TMEM38A: variants seen among roughly 807,000 people sequenced by gnomAD.
TMEM38A encodes the protein transmembrane protein 38A.
Under a neutral mutation model 28.6 loss-of-function variants are expected in TMEM38A, and 17 were observed. The ratio of observed to expected loss-of-function variants is 0.60; its 90% CI spans 0.41 to 0.89. The LOEUF is 0.89. Among genes scored for constraint, TMEM38A ranks in the 40% least tolerant of loss-of-function variants. TMEM38A has a pLI of 0.00. For missense variants in TMEM38A, 328 were observed against 393.1 expected (o/e 0.83, Z 1.40); for synonymous variants, 169 against 166.1 (o/e 1.02, Z -0.14).
chr19:16,677,049 C>G (rs1448759538), intron 1 of TMEM38A, among the ~76,000 whole-genome samples: 1 of 149,282 alleles, frequency 6.7e-6, no homozygotes, highest in East Asian at 2.0e-4. Context: ...GCATGAGCCA[C>G]CGTGCCCAGC....
At chr19:16,675,873 A>T (rs1395373655) in intron 1 of TMEM38A, among the ~76,000 whole-genome samples, 1 of 151,948 alleles carries the variant, frequency 6.6e-6, no homozygotes, top group Non-Finnish European at 1.5e-5. Context: ...TGAGGGGTCT[A>T]CCCTGGTGAC....
intron 4 of TMEM38A, among the ~76,000 whole-genome samples, chr19:16,683,135 G>A (rs1469175425): frequency 2.6e-5 from 4 of 151,806 alleles, no homozygotes; most frequent in Admixed American, 6.6e-5. Context: ...CACCATGCCC[G>A]GCTAATTTTT....
intron 1 of TMEM38A, among the ~76,000 whole-genome samples, chr19:16,670,189 C>T (rs1413494718): frequency 1.3e-5 from 2 of 151,158 alleles, no homozygotes; most frequent in South Asian, 2.1e-4. Context: ...AGGCTGATCT[C>T]GAATTCCTGA....
chr19:16,661,268 G>C lies in TMEM38A; in HGVS notation c.51G>C (p.Ser17=). The C allele has an allele frequency of 6.3e-7, 1 of 1,597,516 alleles. No homozygotes were observed. Among genetic ancestry groups the C allele is most frequent in the South Asian group, 1.1e-5 (1 of 89,074 alleles). ...TGGGCGAACTGGCGCTCAGCTTCTC[G>C]CGGGTGCCGCTCTTCCCCGTCTTCG... ...LSLGELALSF[S]RVPLFPVFDL... The change falls in exon 1 of 6, where the codon TCG becomes TCC. Residue 17 remains serine (S), a synonymous_variant. Coordinates refer to ENST00000187762, the MANE Select transcript of TMEM38A (RefSeq NM_024074.4). This position sits in a 1 kb window ranked among gnomAD's most constrained non-coding sequence, Gnocchi z 6.5.
At chr19:16,676,845 C>T (rs779843742) in intron 1 of TMEM38A, among the ~76,000 whole-genome samples, 2 of 147,538 alleles carry the variant, frequency 1.4e-5, no homozygotes, top group Non-Finnish European at 3.0e-5. Flanking sequence ...ACTGCAACCT[C>T]TGCCTCCTAG....
At chr19:16,679,342 G>T (rs1266767180) in intron 1 of TMEM38A, among the ~76,000 whole-genome samples, 1 of 150,644 alleles carries the variant, frequency 6.6e-6, no homozygotes, top group Non-Finnish European at 1.5e-5. Context: ...GCCCAGGCTG[G>T]AGTGCAGTGC....
At chr19:16,675,478 C>T (rs1210514199) in intron 1 of TMEM38A, among the ~76,000 whole-genome samples, 2 of 151,530 alleles carry the variant, frequency 1.3e-5, no homozygotes, top group Non-Finnish European at 2.9e-5. Flanking sequence ...AAGAGATCCT[C>T]TGGCCTCAGC....
chr19:16,676,188 G>A (rs1164464806), intron 1 of TMEM38A, among the ~76,000 whole-genome samples: 2 of 135,182 alleles, frequency 1.5e-5, no homozygotes, highest in African/African-American at 3.8e-5. Flanking sequence ...GTGAAACCCC[G>A]TCTCTACTAA....
chr19:16,688,137 A>C lies in TMEM38A; in HGVS notation c.673-7A>C. The C allele has an allele frequency of 7.0e-7, 1 of 1,425,150 alleles. No homozygotes were observed. The highest frequency in any genetic ancestry group is 1.6e-5 in the South Asian group (1 of 61,474). The allele number at this position is 1,425,150 out of a possible 1,614,324, so 88.3% of individuals were successfully genotyped here. On this transcript the variant is annotated splice_polypyrimidine_tract_variant and splice_region_variant and intron_variant, in intron 5 of 5. Coordinates refer to ENST00000187762, the MANE Select transcript of TMEM38A (RefSeq NM_024074.4). Reference sequence around the variant, plus strand: ...CTCTTGCTGTCTCCCTGGCCACCCCACCTCAGGTGTTTCTGACAGCCACCC... The same window carrying C: ...CTCTTGCTGTCTCCCTGGCCACCCCCCCTCAGGTGTTTCTGACAGCCACCC...
intron 1 of TMEM38A, among the ~76,000 whole-genome samples, chr19:16,665,063 G>C (rs1215316125): frequency 2.0e-5 from 3 of 152,098 alleles, no homozygotes; most frequent in Non-Finnish European, 4.4e-5. Flanking sequence ...GGGAGGCTGA[G>C]GTGGGCAGAT....
chr19:16,675,279 G>A (rs2086745376), intron 1 of TMEM38A, among the ~76,000 whole-genome samples: 1 of 152,126 alleles, frequency 6.6e-6, no homozygotes. Flanking sequence ...TGTCACCCAG[G>A]CTGGAGTGCA....
intron 1 of TMEM38A, among the ~76,000 whole-genome samples, chr19:16,679,041 C>T (rs371892626): frequency 6.6e-6 from 1 of 150,954 alleles, no homozygotes; most frequent in African/African-American, 2.4e-5. Flanking sequence ...CCCAGCTACT[C>T]GGGAGTCTGA....
intron 1 of TMEM38A, among the ~76,000 whole-genome samples, chr19:16,672,720 GATTACAGGT>G: frequency 6.6e-6 from 1 of 152,088 alleles, no homozygotes; most frequent in Non-Finnish European, 1.5e-5. Context: ...AAAGTGTTGA[GATTACAGGT>G]GTGAGCCACT....
In TMEM38A at chr19:16,688,175, C is replaced by A. The variant is rs749222636; in HGVS notation, c.704C>A (p.Ser235Tyr). The change falls in exon 6 of 6, where the codon TCC becomes TAC. Residue 235 changes from serine to tyrosine, a missense_variant. Transcript: ENST00000187762. ...VFLTATHSHSSPFDALEGYIC... is the reference protein window; with the variant it reads ...VFLTATHSHSYPFDALEGYIC... ...CTGACAGCCACCCACTCACACAGCT[C>A]CCCCTTTGATGCCCTGGAGGGCTAC... 35 of 1,468,186 alleles carry A rather than the reference C, an allele frequency of 2.4e-5. No homozygotes were observed. In the East Asian group the frequency reaches 7.0e-4, roughly 29 times the overall value. 90.9% of individuals were successfully genotyped at this position (1,468,186 alleles called of 1,614,324 possible). A position where few individuals can be genotyped will look rare whatever the true frequency, so the allele number is the denominator to read the frequency against.
Position 16,680,722 on chromosome 19 carries a change from A to G in TMEM38A, c.466+141A>G, listed in dbSNP as rs563774698. 5 of 729,618 alleles carry G rather than the reference A, an allele frequency of 6.9e-6. No homozygotes were observed. In the Admixed American group the frequency reaches 9.9e-5, roughly 14 times the overall value. The allele number at this position is 729,618 out of a possible 1,614,324, so 45.2% of individuals were successfully genotyped here. On this transcript the variant is annotated intron_variant, in intron 3 of 5. Transcript: ENST00000187762. Reference sequence around the variant, plus strand: ...GCAGTAGGTGTTCAAACCTCCCTACAGGTATCAGCCGATACCTTTAGGGTA... The same window carrying G: ...GCAGTAGGTGTTCAAACCTCCCTACGGGTATCAGCCGATACCTTTAGGGTA...
At chr19:16,681,247 C>G (rs2086780809) in intron 3 of TMEM38A, among the ~76,000 whole-genome samples, 1 of 152,052 alleles carries the variant, frequency 6.6e-6, no homozygotes, top group African/African-American at 2.4e-5. Flanking sequence ...ATGATTGTGC[C>G]ACTGCACTCC....
chr19:16,678,976 C>T (rs2086765597), intron 1 of TMEM38A, among the ~76,000 whole-genome samples: 2 of 150,688 alleles, frequency 1.3e-5, no homozygotes, highest in South Asian at 4.2e-4. Flanking sequence ...TGGTGAAACC[C>T]CTTCTCTACT....
intron 4 of TMEM38A, among the ~76,000 whole-genome samples, chr19:16,684,262 C>T (rs571534203): frequency 1.0e-3 from 153 of 151,774 alleles, no homozygotes; most frequent in African/African-American, 3.4e-3. Flanking sequence ...TTGCTTGAAA[C>T]CAGGAATTCA....
chr19:16,680,496 C>T lies in TMEM38A; in HGVS notation c.381C>T (p.Val127=). The change falls in exon 3 of 6, where the codon GTC becomes GTT. Residue 127 remains valine (V), a synonymous_variant. Transcript: ENST00000187762. ...TGGCCATGAAGGAGGTGGTGCGAGT[C>T]CGCAAGATCGCGGTGGGCATCCATC... ...IFVAMKEVVR[V]RKIAVGIHHA... 1 of 1,614,194 alleles carries T rather than the reference C, an allele frequency of 6.2e-7. No homozygotes were observed. Among genetic ancestry groups the T allele is most frequent in the Non-Finnish European group, 8.5e-7 (1 of 1,180,038 alleles).
Sources: allele counts gnomAD v4.1 joint callset (sites outside exome capture counted in the v4.1 genomes callset), GRCh38; gene constraint gnomAD v4.1.1; non-coding constraint Gnocchi (gnomAD v3.1); transcripts MANE v1.5; gene names NCBI Gene and HGNC (gene_info 2026-07-23, HGNC 2026-07-21).